Variants in ACO2 observed in about 807,000 individuals in gnomAD.
The protein encoded by ACO2 is aconitase 2.
A neutral mutation model predicts 84.5 loss-of-function variants in ACO2; 31 were observed. The ratio of observed to expected loss-of-function variants is 0.37; its 90% CI spans 0.28 to 0.50. The LOEUF is 0.50. ACO2 is among the 20% of genes least tolerant of loss of function. The pLI is 0.97. For missense variants in ACO2, 685 were observed against 1,029.3 expected (o/e 0.67, Z 4.58); for synonymous variants, 414 against 412.7 (o/e 1.00, Z -0.04).
intron 7 of ACO2, among the ~76,000 whole-genome samples, chr22:41,517,851 A>T (rs189507216): frequency 1.3e-5 from 2 of 152,300 alleles, no homozygotes; most frequent in East Asian, 3.9e-4. Flanking sequence ...TCTGAGTTCA[A>T]GATAGCCCCA....
intron 1 of ACO2, among the ~76,000 whole-genome samples, chr22:41,474,592 C>CTTTT (rs34289556): frequency 2.4e-4 from 7 of 29,692 alleles, no homozygotes; most frequent in African/African-American, 2.9e-4. Flanking sequence ...TGCGCCTAGC[C>CTTTT]TTTTTTTTTT....
At chr22:41,517,825 C>T (rs1288279135) in intron 7 of ACO2, among the ~76,000 whole-genome samples, 194 bp downstream of exon 7, 2 of 152,238 alleles carry the variant, frequency 1.3e-5, no homozygotes, top group African/African-American at 4.8e-5. Flanking sequence ...TCTCCAGCTT[C>T]TCAAAGGGCC....
chr22:41,488,638 T>G (rs1424508911), intron 1 of ACO2, among the ~76,000 whole-genome samples: 1 of 152,198 alleles, frequency 6.6e-6, no homozygotes, highest in African/African-American at 2.4e-5. Context: ...TGTGCACACA[T>G]GTAGCTCGTT....
chr22:41,517,512 TC>T lies in ACO2; in HGVS notation c.836-14del. On this transcript the variant is annotated splice_polypyrimidine_tract_variant and intron_variant, in intron 6 of 17. Transcript: ENST00000216254. ...CCGGCCACCAGCCAATGCCCGGGGCTCTGTTGCTCCACAGGCATGGCGACAA... is the reference window on the plus strand; with the variant it reads ...CCGGCCACCAGCCAATGCCCGGGGCTTGTTGCTCCACAGGCATGGCGACAA... 6.2e-7 allele frequency: 1 copy of T among 1,611,804 alleles called. No individual in the cohort carries two copies. The highest frequency in any genetic ancestry group is 8.5e-7 in the Non-Finnish European group (1 of 1,178,568).
At chr22:41,525,453 CGCAGGTGGGAGAT>C in intron 14 of ACO2, 105 bp downstream of exon 14, 6 of 1,412,272 alleles carry the variant, frequency 4.2e-6, no homozygotes, top group Non-Finnish European at 5.8e-6. Context: ...ACAGTCAAGA[CGCAGGTGGGAGAT>C]GGAAGGGAGG....
At chr22:41,480,178 G>A (rs750784099) in intron 1 of ACO2, among the ~76,000 whole-genome samples, 9 of 152,238 alleles carry the variant, frequency 5.9e-5, no homozygotes, top group South Asian at 2.1e-4. Context: ...TTCTCCTTAG[G>A]AGGGTGTGGA....
Position 41,522,992 on chromosome 22 carries a change from GTGCCCATATCCCCC to G in ACO2, c.1296+13_1296+26del, listed in dbSNP as rs1392865261. Reference sequence around the variant, plus strand: ...ACCATTGAGCGGGACGGCTATGTGAGTGCCCATATCCCCCTGCCCATCTCCCCCACCCCATGCTG... The same window carrying G: ...ACCATTGAGCGGGACGGCTATGTGAGTGCCCATCTCCCCCACCCCATGCTG... On this transcript the variant is annotated splice_donor_region_variant and intron_variant, in intron 10 of 17. Transcript: ENST00000216254. The G allele has an allele frequency of 3.7e-6, 6 of 1,613,918 alleles. No individual in the cohort carries two copies. In the Admixed American group the frequency reaches 8.3e-5, roughly 22 times the overall value.
At chr22:41,496,256 C>T (rs369297676) in intron 1 of ACO2, among the ~76,000 whole-genome samples, 3 of 151,732 alleles carry the variant, frequency 2.0e-5, no homozygotes, top group South Asian at 2.1e-4. Flanking sequence ...CAGAAGTTGC[C>T]GTGAGCTGAG....
At chr22:41,474,077 T>C (rs981130469) in intron 1 of ACO2, among the ~76,000 whole-genome samples, 3 of 152,124 alleles carry the variant, frequency 2.0e-5, no homozygotes, top group African/African-American at 4.8e-5. Flanking sequence ...AGTGGGGGAC[T>C]GTTGGAGTCA....
intron 3 of ACO2, among the ~76,000 whole-genome samples, chr22:41,509,713 G>A (rs1050493162): frequency 6.6e-6 from 1 of 151,924 alleles, no homozygotes; most frequent in African/African-American, 2.4e-5. Context: ...AGAGCGGGTG[G>A]TATGAGGTGG....
chr22:41,512,444 C>T (rs949449164), intron 4 of ACO2, among the ~76,000 whole-genome samples: 1 of 152,168 alleles, frequency 6.6e-6, no homozygotes, highest in Non-Finnish European at 1.5e-5. Context: ...CCACACCCTA[C>T]AGAGGAGGCA....
Position 41,526,369 on chromosome 22 carries a change from C to G in ACO2, c.1869C>G (p.Asn623Lys). ...ISNNLLIGAI[N>K]IENGKANSVR... ...ACAACCTGCTCATTGGTGCCATCAA[C>G]ATTGAAAACGGCAAGGCCAACTCCG... Residue 623 changes from asparagine to lysine, a missense_variant, in exon 15 of 18, where the codon AAC (asparagine) becomes AAG (lysine). Physicochemically the swap from Asn to Lys is moderately conservative, Grantham distance 94 (BLOSUM62 0). Transcript: ENST00000216254. 6.2e-7 allele frequency: 1 copy of G among 1,613,818 alleles called. No individual in the cohort carries two copies. Among genetic ancestry groups the G allele is most frequent in the Middle Eastern group, 1.7e-4 (1 of 5,736 alleles).
intron 14 of ACO2, chr22:41,525,735 C>A (rs565019678): frequency 2.4e-5 from 6 of 246,318 alleles, no homozygotes; most frequent in South Asian, 7.2e-5. Context: ...ACAACTCCTG[C>A]CCCCACAGTT....
chr22:41,517,214 T>C, intron 6 of ACO2: 1 of 376,996 alleles, frequency 2.7e-6, no homozygotes, highest in Non-Finnish European at 5.1e-6. Flanking sequence ...CTGTTCAATC[T>C]CTTGGGCGAC....
chr22:41,471,684 G>A (rs2037948061), intron 1 of ACO2, among the ~76,000 whole-genome samples: 1 of 152,140 alleles, frequency 6.6e-6, no homozygotes, highest in Non-Finnish European at 1.5e-5. Flanking sequence ...CAAAGGTGAA[G>A]GTAGATAATA....
intron 15 of ACO2, 101 bp downstream of exon 15, chr22:41,526,554 G>A (rs1015069512): frequency 5.2e-6 from 7 of 1,335,176 alleles, no homozygotes; most frequent in Non-Finnish European, 7.1e-6. Flanking sequence ...TGGGAAGGAG[G>A]CCGACCAAGC....
chr22:41,524,494 C>T (rs928462554), intron 12 of ACO2, among the ~76,000 whole-genome samples: 1 of 152,234 alleles, frequency 6.6e-6, no homozygotes, highest in Non-Finnish European at 1.5e-5. Context: ...TGGCTCCTTC[C>T]ATGTTTTTAG....
Position 41,515,370 on chromosome 22 carries a change from T to A in ACO2, c.526-7T>A, listed in dbSNP as rs760969046. ...TTCTAAATATAACATCTTGGATTAT[T>A]TTTCAGATTATTCTGGAAAACTATG... On this transcript the variant is annotated splice_polypyrimidine_tract_variant and splice_region_variant and intron_variant, in intron 4 of 17. Transcript: ENST00000216254. This position sits in a 1 kb window ranked among gnomAD's most constrained non-coding sequence, Gnocchi z 5.8. 1 of 1,612,180 alleles carries A rather than the reference T, an allele frequency of 6.2e-7. No homozygotes were observed. Among genetic ancestry groups the A allele is most frequent in the Non-Finnish European group, 8.5e-7 (1 of 1,179,864 alleles).
At chr22:41,481,781 C>T (rs974124162) in intron 1 of ACO2, among the ~76,000 whole-genome samples, 1 of 152,102 alleles carries the variant, frequency 6.6e-6, no homozygotes, top group Non-Finnish European at 1.5e-5. Flanking sequence ...GGTCGTGTCA[C>T]GGCTCTGCCT....
Sources: allele counts gnomAD v4.1 joint callset (sites outside exome capture counted in the v4.1 genomes callset), GRCh38; gene constraint gnomAD v4.1.1; non-coding constraint Gnocchi (gnomAD v3.1); transcripts MANE v1.5; gene names NCBI Gene and HGNC (gene_info 2026-07-23, HGNC 2026-07-21).